Variants in CD163L1 observed in about 807,000 individuals in gnomAD.
CD163L1 encodes CD163 molecule like 1, also known as scavenger receptor cysteine-rich type 1 protein M160.
In CD163L1, 124 loss-of-function variants were observed where a neutral mutation model predicts 165.4. The ratio of observed to expected loss-of-function variants is 0.75; its 90% CI spans 0.65 to 0.87. The LOEUF is 0.87. CD163L1 is among the 40% of genes least tolerant of loss of function. CD163L1 has a pLI of 0.00. For missense variants in CD163L1, 1,525 were observed against 1,799.9 expected (o/e 0.85, Z 2.76); for synonymous variants, 585 against 662.2 (o/e 0.88, Z 1.79).
At chr12:7,339,080 GC>G in the CD163L1 span, among the ~76,000 whole-genome samples, 1 of 152,112 alleles carries the variant, frequency 6.6e-6, no homozygotes, top group Non-Finnish European at 1.5e-5. Context: ...TGAAGAGAGG[GC>G]AAGATACCTA....
chr12:7,441,120 G>T (rs987193589), intron 2 of CD163L1, 34 bp downstream of exon 2: 7 of 1,482,688 alleles, frequency 4.7e-6, no homozygotes, highest in Admixed American at 1.7e-5. Context: ...ATAGAGGATT[G>T]TAAGCCCAAA....
In CD163L1 at chr12:7,403,576, C is replaced by A. The variant is rs746544481; in HGVS notation, c.1367G>T (p.Arg456Leu). 1.2e-6 allele frequency: 2 copies of A among 1,613,866 alleles called. No individual in the cohort carries two copies. The highest frequency in any genetic ancestry group is 1.7e-6 in the Non-Finnish European group (2 of 1,179,890). ...WDCTYDGKAK[R>L]TCFRRSDAGV... The stretch of plus-strand genomic sequence containing the variant: ...AGCATCTGATCTTCGGAAGCATGTT[C>A]GCTTTGCTTTTCCATCATATGTGCA... Residue 456 changes from arginine (R) to leucine (L), a missense_variant, in exon 6 of 20, where the codon CGA (arginine) becomes CTA (leucine). By Grantham distance (102) the Arg-to-Leu change is moderately radical. Transcript: ENST00000313599.
chr12:7,408,963 A>T (rs1340072400), intron 4 of CD163L1, among the ~76,000 whole-genome samples: 1 of 152,160 alleles, frequency 6.6e-6, no homozygotes, highest in Non-Finnish European at 1.5e-5. Flanking sequence ...CATCCAAGGG[A>T]AAAAAAGAAG....
chr12:7,348,053 A>G (rs773632032), intron 4 of CD163L1, among the ~76,000 whole-genome samples: 21 of 152,364 alleles, frequency 1.4e-4, no homozygotes, highest in Middle Eastern at 3.4e-3. Flanking sequence ...TAGTTTTTAA[A>G]GTATCCCCTT....
In CD163L1 at chr12:7,398,376, C is replaced by A; in HGVS notation, c.1617G>T (p.Trp539Cys). 6.2e-7 allele frequency: 1 copy of A among 1,614,156 alleles called. No individual in the cohort carries two copies. Among genetic ancestry groups the A allele is most frequent in the Admixed American group, 1.7e-5 (1 of 60,020 alleles). Residue 539 changes from tryptophan to cysteine, a missense_variant, in exon 7 of 20, where the codon TGG (tryptophan) becomes TGT (cysteine). By Grantham distance (215) the Trp-to-Cys change is radical. Transcript: ENST00000313599. This position sits in a 1 kb window ranked among gnomAD's most constrained non-coding sequence, Gnocchi z 4.5. Reference protein sequence around the residue: ...TYFKEASGPIWLDDVSCIGNE... With the variant: ...TYFKEASGPICLDDVSCIGNE... ...TTCCAATGCAAGAAACGTCATCCAG[C>A]CAAATAGGTCCTGATGCTTCTTTAA...
intron 4 of CD163L1, among the ~76,000 whole-genome samples, chr12:7,431,753 T>TAA (rs902278847): frequency 6.8e-6 from 1 of 146,670 alleles, no homozygotes; most frequent in Admixed American, 6.8e-5. Flanking sequence ...ACTTAAAGTA[T>TAA]AAAAAAAAAA....
chr12:7,399,574 TTCTC>T (rs966687472), intron 6 of CD163L1, among the ~76,000 whole-genome samples: 17 of 120,528 alleles, frequency 1.4e-4, no homozygotes, highest in South Asian at 3.2e-4. Context: ...CTTTCTTTCC[TTCTC>T]TCTCTCTCTT....
chr12:7,349,328 A>C (rs1048149909), intron 4 of CD163L1, among the ~76,000 whole-genome samples: 1 of 152,184 alleles, frequency 6.6e-6, no homozygotes, highest in African/African-American at 2.4e-5. Context: ...CAAATTCTCA[A>C]ATTGAGTTAT....
intron 4 of CD163L1, among the ~76,000 whole-genome samples, chr12:7,425,934 A>T (rs1452991239): frequency 6.6e-6 from 1 of 152,214 alleles, no homozygotes. Context: ...CATCAATCCC[A>T]TTACTGGGTA....
intron 2 of CD163L1, chr12:7,439,982 G>A (rs1366270870): frequency 1.3e-6 from 2 of 1,553,296 alleles, no homozygotes; most frequent in Non-Finnish European, 1.7e-6. Flanking sequence ...TCCGCAGCCT[G>A]CTCCATCCTA....
chr12:7,401,322 A>T (rs1947911814), intron 6 of CD163L1, among the ~76,000 whole-genome samples: 1 of 152,048 alleles, frequency 6.6e-6, no homozygotes, highest in Non-Finnish European at 1.5e-5. Flanking sequence ...AATCAGATTC[A>T]GTTATTCTAA....
At chr12:7,319,643 G>A in the CD163L1 span, among the ~76,000 whole-genome samples, 52 of 150,658 alleles carry the variant, frequency 3.5e-4, 1 homozygote, top group African/African-American at 7.8e-4. Context: ...ACCTTGCCCC[G>A]CCACTCACCT....
At position 7,374,002 on chromosome 12, in the gene CD163L1, C is replaced by T. The variant is rs1947199509; in HGVS notation, c.3410-362G>A. Among the ~76,000 whole-genome samples the T allele has an allele frequency of 6.6e-6, 1 of 152,204 alleles. No individual in the cohort carries two copies. Among genetic ancestry groups the T allele is most frequent in the Non-Finnish European group, 1.5e-5 (1 of 68,036 alleles). ...TACAGTTATGGGTTCTTAGTTTCTG[C>T]TTCTGGTCAGGTTAGTAAAGACCCT... On this transcript the variant is annotated intron_variant, in intron 13 of 19. Coordinates refer to ENST00000313599, the MANE Select transcript of CD163L1 (RefSeq NM_174941.6). The surrounding 1 kb of genome is among the most constrained non-coding windows in gnomAD (Gnocchi z 5.4).
Position 7,373,386 on chromosome 12 carries a change from A to G in CD163L1, c.3664T>C (p.Cys1222Arg), listed in dbSNP as rs1158664244. 1.2e-6 allele frequency: 2 copies of G among 1,614,142 alleles called. No individual in the cohort carries two copies. The highest frequency in any genetic ancestry group is 1.7e-6 in the Non-Finnish European group (2 of 1,179,990). ...CTTCGCTCCCATGGGGCAGACAGGC[A>G]CTGCCATATGGAGATATGCGTTTTA... Reference protein sequence around the residue: ...CPKTHISIWQCLSAPWERRIS... With the variant: ...CPKTHISIWQRLSAPWERRIS... Residue 1222 changes from cysteine to arginine, a missense_variant, in exon 14 of 20, where the codon TGC (cysteine) becomes CGC (arginine). Cys to Arg is a radical substitution (Grantham distance 180, BLOSUM62 -3). Transcript: ENST00000313599.
Position 7,423,966 on chromosome 12 carries a change from C to T in CD163L1, c.766+8450G>A, listed in dbSNP as rs780884366. On this transcript the variant is annotated intron_variant, in intron 4 of 19. Transcript: ENST00000313599. Reference sequence around the variant, plus strand: ...ACAATAGAAAAAAAGGGACTCCTCCCGAACTCAATTTTATGAGGCCAGCCT... The same window carrying T: ...ACAATAGAAAAAAAGGGACTCCTCCTGAACTCAATTTTATGAGGCCAGCCT... 1.1e-4 allele frequency among the ~76,000 whole-genome samples: 17 copies of T among 152,214 alleles called. No individual in the cohort carries two copies. The South Asian group carries it at 2.7e-3, about 24-fold the overall frequency.
chr12:7,399,319 TTC>T (rs200896755), intron 6 of CD163L1, among the ~76,000 whole-genome samples: 2,347 of 151,256 alleles, frequency 0.016, 75 homozygotes, highest in East Asian at 0.13. Context: ...CTTTTCTTTC[TTC>T]TCTCTCTTCT....
At chr12:7,349,102 GAAT>G (rs1946691024) in intron 4 of CD163L1, among the ~76,000 whole-genome samples, 1 of 152,074 alleles carries the variant, frequency 6.6e-6, no homozygotes. Flanking sequence ...ATTCAAGCAT[GAAT>G]GTCTCTACGG....
rs1488344488 is a variant in CD163L1 at position 7,398,897 on chromosome 12, A to T, written c.1409-313T>A. ...TGGAAGCATGCAGAGAAGTTCTTTGAGGTATGGATACATTCAGGAGATAGC... is the reference window on the plus strand; with the variant it reads ...TGGAAGCATGCAGAGAAGTTCTTTGTGGTATGGATACATTCAGGAGATAGC... On this transcript the variant is annotated intron_variant, in intron 6 of 19. Coordinates refer to ENST00000313599, the MANE Select transcript of CD163L1 (RefSeq NM_174941.6). This position sits in a 1 kb window ranked among gnomAD's most constrained non-coding sequence, Gnocchi z 4.5. Among the ~76,000 whole-genome samples the T allele has an allele frequency of 2.6e-5, 4 of 152,128 alleles. No individual in the cohort carries two copies. The highest frequency in any genetic ancestry group is 5.9e-5 in the Non-Finnish European group (4 of 68,018).
At chr12:7,343,268 G>A (rs1376277530), downstream of CD163L1, among the ~76,000 whole-genome samples, 1 of 152,218 alleles carries the variant, frequency 6.6e-6, no homozygotes, top group African/African-American at 2.4e-5. Context: ...GGAATTTCAG[G>A]ATGGAATGGG....
Sources: gnomAD v4.1 joint callset for allele counts (sites outside exome capture counted in the v4.1 genomes callset) on GRCh38, gnomAD v4.1.1 for gene constraint, Gnocchi (gnomAD v3.1) non-coding constraint, MANE v1.5 for transcripts, NCBI Gene and HGNC (gene_info 2026-07-23, HGNC 2026-07-21) for gene names.